The following ENOX1 variants were observed in gnomAD, a reference collection of about 807,000 sequenced individuals.
ENOX1 encodes the protein ecto-NOX disulfide-thiol exchanger 1.
Under a neutral mutation model 82.5 loss-of-function variants are expected in ENOX1, and 42 were observed. The observed-to-expected ratio is 0.51, with a 90% CI of 0.40 to 0.66. ENOX1 has a LOEUF of 0.66. ENOX1 is among the 30% of genes least tolerant of loss of function. The pLI is 0.00. For synonymous variants in ENOX1, 271 were observed against 282.2 expected (o/e 0.96, Z 0.40); for missense variants, 608 against 811.6 (o/e 0.75, Z 3.05).
intron 7 of ENOX1, among the ~76,000 whole-genome samples, chr13:43,357,351 G>A (rs1203920762): frequency 1.3e-5 from 2 of 152,112 alleles, no homozygotes; most frequent in Non-Finnish European, 2.9e-5. Flanking sequence ...TCCTCCCCAG[G>A]ATGCCACTTC....
intron 2 of ENOX1, among the ~76,000 whole-genome samples, chr13:43,502,824 T>G (rs2077027722): frequency 6.6e-6 from 1 of 151,454 alleles, no homozygotes; most frequent in Non-Finnish European, 1.5e-5. Flanking sequence ...CCATTTCTAT[T>G]CAAATGAGTA....
At chr13:43,634,881 G>C (rs2083354595) in intron 2 of ENOX1, among the ~76,000 whole-genome samples, 1 of 152,190 alleles carries the variant, frequency 6.6e-6, no homozygotes, top group African/African-American at 2.4e-5. Flanking sequence ...GAAGTTGTAG[G>C]TGGGCACACA....
rs559937601 is a variant in ENOX1 at position 43,476,656 on chromosome 13, T to C, written c.-75+7353A>G. On this transcript the variant is annotated intron_variant, in intron 3 of 16. Coordinates refer to ENST00000690772, the MANE Select transcript of ENOX1 (RefSeq NM_001347969.2). ...GTCATTTCCCACTCTTCAGACACAA[T>C]TATAGTTGATTGAGATATAACGAGT... 7.2e-5 allele frequency among the ~76,000 whole-genome samples: 11 copies of C among 152,272 alleles called. No individual in the cohort carries two copies. The East Asian group carries it at 1.9e-3, about 27-fold the overall frequency.
At chr13:43,283,699 C>T (rs1372800095) in intron 12 of ENOX1, among the ~76,000 whole-genome samples, 1 of 151,776 alleles carries the variant, frequency 6.6e-6, no homozygotes, top group Non-Finnish European at 1.5e-5. Context: ...TATCCTCCCG[C>T]CTTGGCCTCC....
chr13:43,381,486 T>C (rs1464149118), intron 5 of ENOX1, among the ~76,000 whole-genome samples: 2 of 134,366 alleles, frequency 1.5e-5, no homozygotes, highest in Non-Finnish European at 3.3e-5. Context: ...AAAAAAAACC[T>C]TAAAAAAAAA....
At chr13:43,396,650 G>C (rs1295627705) in intron 5 of ENOX1, among the ~76,000 whole-genome samples, 1 of 152,038 alleles carries the variant, frequency 6.6e-6, no homozygotes, top group African/African-American at 2.4e-5. Context: ...CAAAGTGCTG[G>C]GATTACAGGC....
At position 43,658,808 on chromosome 13, in the gene ENOX1, T is replaced by C. The variant is rs145378855; in HGVS notation, c.-219+8671A>G. On this transcript the variant is annotated intron_variant, in intron 2 of 16. Coordinates refer to ENST00000690772, the MANE Select transcript of ENOX1 (RefSeq NM_001347969.2). ...CTCGCTCTTGTGTTGGTCCTATCTC[T>C]GGGATACCAGGTCTTTCTTTTTATT... Among the ~76,000 whole-genome samples, 738 of 152,348 alleles carry C rather than the reference T, an allele frequency of 4.8e-3. 6 individuals carry two copies. Among genetic ancestry groups the C allele is most frequent in the African/African-American group, 0.016 (684 of 41,586 alleles).
At chr13:43,226,488 A>G (rs2042029370) in intron 15 of ENOX1, among the ~76,000 whole-genome samples, 2 of 152,326 alleles carry the variant, frequency 1.3e-5, no homozygotes, top group Middle Eastern at 3.4e-3. Context: ...TGTTAACTAT[A>G]ATTTCCCTAC....
intron 8 of ENOX1, among the ~76,000 whole-genome samples, chr13:43,350,667 A>T (rs2049718087): frequency 6.6e-6 from 1 of 151,978 alleles, no homozygotes; most frequent in Non-Finnish European, 1.5e-5. Flanking sequence ...CTGGTCTCGA[A>T]CTCCTGACCT....
chr13:43,221,633 T>G (rs1593403738), intron 16 of ENOX1, among the ~76,000 whole-genome samples: 1 of 152,176 alleles, frequency 6.6e-6, no homozygotes, highest in Non-Finnish European at 1.5e-5. Flanking sequence ...GAGAAAAATA[T>G]GCAAATATGC....
At chr13:43,497,222 T>C (rs2076827094) in intron 2 of ENOX1, among the ~76,000 whole-genome samples, 1 of 152,162 alleles carries the variant, frequency 6.6e-6, no homozygotes, top group African/African-American at 2.4e-5. Context: ...TGTCTCCAAA[T>C]ATTTTTATTA....
chr13:43,564,810 A>T (rs1429021134), intron 2 of ENOX1, among the ~76,000 whole-genome samples: 1 of 152,188 alleles, frequency 6.6e-6, no homozygotes, highest in Non-Finnish European at 1.5e-5. Flanking sequence ...GATGTCCAGG[A>T]TGGAGGGCTT....
chr13:43,218,917 A>T (rs1487085644), intron 16 of ENOX1, among the ~76,000 whole-genome samples: 1 of 152,136 alleles, frequency 6.6e-6, no homozygotes, highest in Non-Finnish European at 1.5e-5. Context: ...TTCTCTTCCT[A>T]ATAATTTGTC....
chr13:43,479,238 T>G (rs1381486632), intron 3 of ENOX1, among the ~76,000 whole-genome samples: 1 of 151,802 alleles, frequency 6.6e-6, no homozygotes, highest in Non-Finnish European at 1.5e-5. Flanking sequence ...TTCTTTGAGC[T>G]CCCCACAAAC....
chr13:43,648,833 G>A (rs530595515), intron 2 of ENOX1, among the ~76,000 whole-genome samples: 8 of 152,258 alleles, frequency 5.3e-5, no homozygotes, highest in East Asian at 1.9e-4. Context: ...AGTACTCAGC[G>A]TTCTCCTTAT....
At chr13:43,599,360 T>C (rs1191667334) in intron 2 of ENOX1, among the ~76,000 whole-genome samples, 1 of 151,782 alleles carries the variant, frequency 6.6e-6, no homozygotes, top group East Asian at 2.0e-4. Context: ...CTAAACACAC[T>C]TGGGAAAGGG....
In ENOX1 at chr13:43,412,048, C is replaced by T. The variant is rs373019470; in HGVS notation, c.76G>A (p.Asp26Asn). The change falls in exon 5 of 17, where the codon GAT (aspartate) becomes AAT (asparagine). Residue 26 changes from aspartate to asparagine, a missense_variant. Asp to Asn is a conservative substitution (Grantham distance 23). Coordinates refer to ENST00000690772, the MANE Select transcript of ENOX1 (RefSeq NM_001347969.2). ...ELPQMMAAAA[D>N]GLGSIAIDTT... Reference sequence around the variant, plus strand: ...TCTATCGCTATACTCCCCAAACCATCGGCTGCTGTGGGGAAAAACAAACCA... The same window carrying T: ...TCTATCGCTATACTCCCCAAACCATTGGCTGCTGTGGGGAAAAACAAACCA... 32 of 1,613,118 alleles carry T rather than the reference C, an allele frequency of 2.0e-5. No homozygotes were observed. In the African/African-American group the frequency reaches 3.1e-4, roughly 15 times the overall value.
chr13:43,739,137 C>T (rs1031148961), intron 1 of ENOX1, among the ~76,000 whole-genome samples: 1 of 152,178 alleles, frequency 6.6e-6, no homozygotes, highest in Non-Finnish European at 1.5e-5. Flanking sequence ...TAAGTCATTT[C>T]TTCAACAAAT....
chr13:43,773,127 T>C (rs925521969), intron 1 of ENOX1, among the ~76,000 whole-genome samples: 2 of 152,234 alleles, frequency 1.3e-5, no homozygotes, highest in Non-Finnish European at 2.9e-5. Flanking sequence ...ATTAGTTCTC[T>C]TGTTTCTAGT....
Sources: gnomAD v4.1 joint callset for allele counts (sites outside exome capture counted in the v4.1 genomes callset) on GRCh38, gnomAD v4.1.1 for gene constraint, MANE v1.5 for transcripts, NCBI Gene and HGNC (gene_info 2026-07-23, HGNC 2026-07-21) for gene names.